Variants in RGS6 observed in about 807,000 individuals in gnomAD.
RGS6 encodes the protein regulator of G-protein signaling 6.
RGS6 carries 30 observed loss-of-function variants against 78.5 expected under a neutral mutation model. That is an observed-to-expected ratio of 0.38 (90% CI 0.29 to 0.52). RGS6 has a LOEUF of 0.52. RGS6 is among the 20% of genes least tolerant of loss of function. RGS6 has a pLI of 0.85. For missense variants in RGS6, 495 were observed against 609.7 expected, an observed-to-expected ratio of 0.81 and a Z score of 1.98; for synonymous variants, 206 against 206.0, an observed-to-expected ratio of 1.00 and a Z score of 0.00.
intron 17 of RGS6, among the ~76,000 whole-genome samples, chr14:72,545,564 ATTTCTGAGT>A (rs1017723576): frequency 3.9e-5 from 6 of 152,010 alleles, no homozygotes; most frequent in African/African-American, 1.5e-4. Flanking sequence ...CTGTCCTGAG[ATTTCTGAGT>A]TATATAACTC....
intron 2 of RGS6, among the ~76,000 whole-genome samples, chr14:72,297,692 G>A (rs11847945): frequency 0.049 from 7,308 of 148,636 alleles, 531 homozygotes; most frequent in African/African-American, 0.17. Context: ...TTTTGTTCTT[G>A]CGATAGTTTA....
intron 2 of RGS6, among the ~76,000 whole-genome samples, chr14:72,097,992 G>A (rs1462674223): frequency 6.6e-6 from 1 of 152,156 alleles, no homozygotes; most frequent in Non-Finnish European, 1.5e-5. Flanking sequence ...TAGCAATTGT[G>A]TTAGGTGGCT....
At chr14:72,250,078 C>G (rs1334663277) in intron 2 of RGS6, among the ~76,000 whole-genome samples, 2 of 104,864 alleles carry the variant, frequency 1.9e-5, no homozygotes, top group African/African-American at 7.8e-5. Flanking sequence ...TATCACACTC[C>G]GGGGACTGTT....
the RGS6 span, among the ~76,000 whole-genome samples, chr14:71,881,051 CAA>C: frequency 6.6e-6 from 1 of 152,208 alleles, no homozygotes; most frequent in Non-Finnish European, 1.5e-5. Context: ...GACATGGAGT[CAA>C]AAGAGATCAT....
At chr14:72,434,963 GA>G (rs1026592866) in intron 3 of RGS6, among the ~76,000 whole-genome samples, 1 of 152,136 alleles carries the variant, frequency 6.6e-6, no homozygotes, top group African/African-American at 2.4e-5. Flanking sequence ...ACTTTAACAA[GA>G]AAAATTTTAG....
chr14:71,877,319 A>T, the RGS6 span, among the ~76,000 whole-genome samples: 3 of 152,334 alleles, frequency 2.0e-5, no homozygotes, highest in African/African-American at 7.2e-5. Context: ...CACCAATCAG[A>T]CGAAGATTTG....
chr14:72,459,535 G>A, intron 5 of RGS6, 97 bp from the exon 6 acceptor site: 1 of 1,108,466 alleles, frequency 9.0e-7, no homozygotes, highest in Non-Finnish European at 1.4e-6. Flanking sequence ...GAAGGAGATG[G>A]GGGAGAGCCT....
intron 3 of RGS6, among the ~76,000 whole-genome samples, chr14:72,355,495 T>C (rs1223532986): frequency 6.6e-6 from 1 of 152,174 alleles, no homozygotes; most frequent in Admixed American, 6.6e-5. Context: ...TGGTCATTCA[T>C]TTTTTTAAAT....
At chr14:72,536,345 A>G in intron 16 of RGS6, 70 bp downstream of exon 16, 3 of 1,088,310 alleles carry the variant, frequency 2.8e-6, no homozygotes. Context: ...GCTGGTTTGA[A>G]ATGAGAATAT....
At position 72,478,304 on chromosome 14, in the gene RGS6, T is replaced by C. The variant is rs2302143; in HGVS notation, c.829T>C (p.Leu277=). ...FLNAQIDRHC[L]KMSKVAESLI... is the part of the protein sequence containing the mutation. ...GAACGCACAGATCGACAGACATTGT[T>C]TGAAAATGTCCAAAGTGGCTGAAAG... Residue 277 remains leucine (L), a synonymous_variant, in exon 12 of 18, where the codon TTG becomes CTG. Transcript: ENST00000553525. The C allele has an allele frequency of 0.12, 191,210 of 1,609,610 alleles. 12,516 individuals are homozygous for C. Among genetic ancestry groups the C allele is most frequent in the Admixed American group, 0.22 (12,954 of 59,910 alleles).
At chr14:72,324,691 T>A (rs1379767535) in intron 2 of RGS6, among the ~76,000 whole-genome samples, 4 of 152,114 alleles carry the variant, frequency 2.6e-5, no homozygotes, top group African/African-American at 9.7e-5. Context: ...GAACTCATCC[T>A]TTTTTATGGC....
intron 2 of RGS6, among the ~76,000 whole-genome samples, chr14:72,058,365 T>C (rs770899755): frequency 1.3e-5 from 2 of 152,168 alleles, no homozygotes; most frequent in African/African-American, 2.4e-5. Flanking sequence ...CTGGTTAGAG[T>C]TGAGGGTGCC....
intron 3 of RGS6, among the ~76,000 whole-genome samples, chr14:72,354,586 C>T (rs8016625): frequency 0.027 from 4,098 of 151,758 alleles, 213 homozygotes; most frequent in African/African-American, 0.093. Flanking sequence ...GCAGAGGTCA[C>T]GCCACTGCAC....
At chr14:72,177,973 CT>C (rs1181472239) in intron 2 of RGS6, among the ~76,000 whole-genome samples, 1 of 152,170 alleles carries the variant, frequency 6.6e-6, no homozygotes, top group Non-Finnish European at 1.5e-5. Flanking sequence ...AGCCTCTTTT[CT>C]TCCTCCCCCA....
chr14:72,441,454 G>C (rs1426043419), intron 3 of RGS6, among the ~76,000 whole-genome samples: 1 of 151,862 alleles, frequency 6.6e-6, no homozygotes, highest in East Asian at 1.9e-4. Flanking sequence ...GGAAAGAGTG[G>C]GGCAGGAAAT....
In RGS6 at chr14:72,147,280, T is replaced by C. The variant is rs2096618173; in HGVS notation, c.84+182405T>C. Among the ~76,000 whole-genome samples, 4 of 152,240 alleles carry C rather than the reference T, an allele frequency of 2.6e-5. 1 individual carries two copies. The South Asian group carries it at 8.3e-4, about 31-fold the overall frequency. On this transcript the variant is annotated intron_variant, in intron 2 of 17. Transcript: ENST00000553525. ...TTCCGTGTTTTCAGGTATTTGTTAC[T>C]GTAATAAACCCTCTTCTCGATACCA... is the stretch of plus-strand genomic sequence containing the variant.
intron 2 of RGS6, among the ~76,000 whole-genome samples, chr14:72,197,118 T>G (rs2153730425): frequency 6.6e-6 from 1 of 152,300 alleles, no homozygotes; most frequent in South Asian, 2.1e-4. Context: ...CAGGCTGGAG[T>G]GCAGTGGCAC....
chr14:72,478,980 A>G (rs2096305568), intron 12 of RGS6, among the ~76,000 whole-genome samples: 2 of 152,240 alleles, frequency 1.3e-5, no homozygotes, highest in Admixed American at 6.5e-5. Flanking sequence ...GGGAATCTAT[A>G]TGGAATAAAT....
At chr14:72,181,473 C>T (rs2097172384) in intron 2 of RGS6, among the ~76,000 whole-genome samples, 3 of 152,146 alleles carry the variant, frequency 2.0e-5, no homozygotes, top group Middle Eastern at 3.2e-3. Flanking sequence ...AAATGTGTTA[C>T]CTTTGAAGAA....
Sources: gnomAD v4.1 joint callset for allele counts (sites outside exome capture counted in the v4.1 genomes callset) on GRCh38, gnomAD v4.1.1 for gene constraint, MANE v1.5 for transcripts, NCBI Gene and HGNC (gene_info 2026-07-23, HGNC 2026-07-21) for gene names.